The following PFN4 variants were observed in gnomAD, a reference collection of about 807,000 sequenced individuals.
PFN4 encodes the protein profilin-4.
In PFN4, 10 loss-of-function variants were observed where a neutral mutation model predicts 16.3. That is an observed-to-expected ratio of 0.61 (90% CI 0.38 to 1.04). The LOEUF (loss-of-function observed/expected upper bound fraction) is 1.04. Among genes scored for constraint, PFN4 ranks in the 50% least tolerant of loss-of-function variants. PFN4 has a pLI of 0.01. For missense variants in PFN4, 136 were observed against 153.6 expected (o/e 0.89, Z 0.61); for synonymous variants, 54 against 56.9 (o/e 0.95, Z 0.23).
intron 4 of PFN4, among the ~76,000 whole-genome samples, chr2:24,116,215 C>G (rs951266961): frequency 3.9e-5 from 6 of 152,210 alleles, no homozygotes; most frequent in Non-Finnish European, 7.4e-5. Context: ...GTAGTCCCAG[C>G]TACTTGGGAG....
Position 24,114,870 on chromosome 2 carries a change from T to C in PFN4, c.*713A>G, listed in dbSNP as rs1399124504. Among the ~76,000 whole-genome samples the C allele has an allele frequency of 6.6e-6, 1 of 152,216 alleles. No individual in the cohort carries two copies. The highest frequency in any genetic ancestry group is 1.5e-5 in the Non-Finnish European group (1 of 68,032). On this transcript the variant is annotated 3_prime_UTR_variant, in exon 5 of 5. Coordinates refer to ENST00000313213, the MANE Select transcript of PFN4 (RefSeq NM_199346.3). ...GGTGCATTTAGTGACCATACTGCCT[T>C]ACTAAGGTGTGCAGTGAGAGTTAGG...
chr2:24,119,921 A>G (rs1243761718), intron 3 of PFN4, among the ~76,000 whole-genome samples: 1 of 152,170 alleles, frequency 6.6e-6, no homozygotes, highest in Non-Finnish European at 1.5e-5. Flanking sequence ...ATAATGGTAG[A>G]TGGATTTTGA....
rs1194898495 is a variant in PFN4 at position 24,115,214 on chromosome 2, T to C, written c.*369A>G. ...CATCCCTTCATTTTTCAAGGTTGCT[T>C]GCTGCAACCTAACCCTGAGAAATGT... On this transcript the variant is annotated 3_prime_UTR_variant, in exon 5 of 5. Coordinates refer to ENST00000313213, the MANE Select transcript of PFN4 (RefSeq NM_199346.3). 6.6e-6 allele frequency among the ~76,000 whole-genome samples: 1 copy of C among 152,212 alleles called. No individual in the cohort carries two copies. Among genetic ancestry groups the C allele is most frequent in the Non-Finnish European group, 1.5e-5 (1 of 68,046 alleles).
At chr2:24,120,162 G>A (rs181616143) in intron 3 of PFN4, among the ~76,000 whole-genome samples, 21 of 152,138 alleles carry the variant, frequency 1.4e-4, no homozygotes, top group Admixed American at 3.9e-4. Flanking sequence ...CCAGCTACTC[G>A]GTAAGCTGAG....
chr2:24,118,098 G>A (rs920193869), intron 4 of PFN4, among the ~76,000 whole-genome samples: 1 of 152,218 alleles, frequency 6.6e-6, no homozygotes, highest in African/African-American at 2.4e-5. Flanking sequence ...CTCCTCTGGG[G>A]AATTAGCCCT....
intron 3 of PFN4, 32 bp from the exon 4 acceptor site, chr2:24,119,714 C>T: frequency 6.5e-7 from 1 of 1,543,336 alleles, no homozygotes; most frequent in South Asian, 1.1e-5. Context: ...ATATTCTGCT[C>T]TTGGTTCTAA....
At chr2:24,121,035 A>C (rs1249253982) in intron 3 of PFN4, 128 bp downstream of exon 3, 2 of 1,259,128 alleles carry the variant, frequency 1.6e-6, no homozygotes, top group African/African-American at 3.0e-5. Context: ...CTAGACTGCT[A>C]TCTCAAGACA....
intron 1 of PFN4, 156 bp downstream of exon 1, chr2:24,122,962 C>A (rs1159522844): frequency 6.5e-6 from 1 of 154,204 alleles, no homozygotes; most frequent in Non-Finnish European, 1.4e-5. Context: ...AGAGATTATG[C>A]GTGGCCATAA....
intron 4 of PFN4, among the ~76,000 whole-genome samples, chr2:24,116,315 G>A (rs894005143): frequency 1.3e-5 from 2 of 152,034 alleles, no homozygotes; most frequent in Non-Finnish European, 2.9e-5. Context: ...GCGACAGAGC[G>A]AAATTCTGTC....
chr2:24,120,559 A>T (rs2339943), intron 3 of PFN4, among the ~76,000 whole-genome samples: 110,661 of 143,418 alleles, frequency 0.77, 40,813 homozygotes, highest in East Asian at 0.89. Context: ...GATTTTTTTT[A>T]AAATTTTTTT....
At chr2:24,115,639 T>C (rs770517752) in intron 4 of PFN4, 28 bp from the exon 5 acceptor site, 1 of 1,608,338 alleles carries the variant, frequency 6.2e-7, no homozygotes, top group East Asian at 2.2e-5. Context: ...ATGGTTATTA[T>C]TTATGAGCTG....
rs144376590 is a variant in PFN4 at position 24,122,468 on chromosome 2, A to C, written c.68T>G (p.Leu23Arg). 4.3e-6 allele frequency: 7 copies of C among 1,613,934 alleles called. No homozygotes were observed. Among genetic ancestry groups the C allele is most frequent in the Admixed American group, 1.7e-5 (1 of 59,966 alleles). The change falls in exon 2 of 5, where the codon CTC becomes CGC. Residue 23 changes from leucine to arginine, a missense_variant. Physicochemically the swap from Leu to Arg is moderately radical, Grantham distance 102. Transcript: ENST00000313213. ...LGTKHVDSAA[L>R]IKIQERSLCV... ...CAAGCTCCGCTCCTGGATTTTGATG[A>C]GGGCTGCACTGTCCACATGCTTGGT...
chr2:24,120,199 G>A (rs1666059875), intron 3 of PFN4, among the ~76,000 whole-genome samples: 1 of 152,096 alleles, frequency 6.6e-6, no homozygotes, highest in Admixed American at 6.5e-5. Flanking sequence ...AACCCAGGAG[G>A]TGGAGGTTGC....
At chr2:24,118,965 C>T (rs746753793) in intron 4 of PFN4, among the ~76,000 whole-genome samples, 2 of 152,108 alleles carry the variant, frequency 1.3e-5, no homozygotes, top group Non-Finnish European at 2.9e-5. Flanking sequence ...ACACAATTTA[C>T]CATTTATTAA....
intron 4 of PFN4, among the ~76,000 whole-genome samples, chr2:24,116,003 C>T (rs749277821): frequency 2.6e-5 from 4 of 151,984 alleles, no homozygotes; most frequent in Non-Finnish European, 4.4e-5. Context: ...CTGCTGCCCT[C>T]CTCTCCTATA....
intron 4 of PFN4, among the ~76,000 whole-genome samples, chr2:24,118,534 T>G (rs753391487): frequency 3.3e-5 from 5 of 152,178 alleles, no homozygotes; most frequent in Non-Finnish European, 5.9e-5. Context: ...GACAAATGCC[T>G]TCCAGGGATT....
At chr2:24,119,425 T>C in intron 4 of PFN4, 152 bp downstream of exon 4, 2 of 589,110 alleles carry the variant, frequency 3.4e-6, no homozygotes, top group Non-Finnish European at 6.0e-6. Context: ...AGCTGCACCC[T>C]GTCCTTCCAG....
intron 3 of PFN4, among the ~76,000 whole-genome samples, chr2:24,120,283 CAACAAAACAAAACAA>C (rs558516591): frequency 1.3e-5 from 2 of 150,848 alleles, no homozygotes; most frequent in Admixed American, 6.6e-5. Context: ...AAAAAAACAA[CAACAAAACAAAACAA>C]AACAAAACAA....
intron 3 of PFN4, 81 bp downstream of exon 3, chr2:24,121,082 A>T: frequency 6.5e-7 from 1 of 1,535,538 alleles, no homozygotes; most frequent in Non-Finnish European, 8.9e-7. Flanking sequence ...TCTGTTTTAC[A>T]GAAAGGATCA....
Sources: gnomAD v4.1 joint callset for allele counts (sites outside exome capture counted in the v4.1 genomes callset) on GRCh38, gnomAD v4.1.1 for gene constraint, MANE v1.5 for transcripts, NCBI Gene and HGNC (gene_info 2026-07-23, HGNC 2026-07-21) for gene names.